Variants in PRDM16 observed in about 807,000 individuals in gnomAD.
PRDM16 encodes PR/SET domain 16.
PRDM16 carries 23 observed loss-of-function variants against 110.6 expected under a neutral mutation model. That is an observed-to-expected ratio of 0.21 (90% CI 0.15 to 0.29). PRDM16 has a LOEUF of 0.29. Ranked by LOEUF, PRDM16 falls within the 10% of genes least tolerant of loss-of-function variation. The pLI is 1.00. For missense variants in PRDM16, 1,615 were observed against 1,794.3 expected, an observed-to-expected ratio of 0.90 and a Z score of 1.81; for synonymous variants, 799 against 781.8, an observed-to-expected ratio of 1.02 and a Z score of -0.37.
chr1:3,227,929 G>A (rs1419081646), intron 2 of PRDM16, among the ~76,000 whole-genome samples: 4 of 152,244 alleles, frequency 2.6e-5, no homozygotes, highest in African/African-American at 9.6e-5. Context: ...ACCTACACCC[G>A]AGTGGGTCGA....
At chr1:3,320,554 G>A (rs953941702) in intron 3 of PRDM16, among the ~76,000 whole-genome samples, 2 of 152,170 alleles carry the variant, frequency 1.3e-5, no homozygotes, top group Non-Finnish European at 2.9e-5. Flanking sequence ...TCGTCTCAGG[G>A]CACAAAGTCT....
intron 1 of PRDM16, among the ~76,000 whole-genome samples, chr1:3,075,966 A>AG (rs1557427949): frequency 1.3e-5 from 2 of 152,302 alleles, no homozygotes; most frequent in East Asian, 3.9e-4. Flanking sequence ...GTCACGCACT[A>AG]GGCTTGACCA....
chr1:3,103,296 G>A (rs1642573995), intron 1 of PRDM16, among the ~76,000 whole-genome samples: 1 of 152,224 alleles, frequency 6.6e-6, no homozygotes, highest in South Asian at 2.1e-4. Context: ...TTCTGCCTGT[G>A]TCTTCACATG....
At chr1:3,110,824 T>C (rs1370168844) in intron 1 of PRDM16, among the ~76,000 whole-genome samples, 2 of 152,026 alleles carry the variant, frequency 1.3e-5, no homozygotes, top group Non-Finnish European at 2.9e-5. Flanking sequence ...GGAGGCCACG[T>C]GTGAGGGGCA....
In PRDM16 at chr1:3,111,217, G is replaced by A. The variant is rs569601787; in HGVS notation, c.37+41921G>A. Among the ~76,000 whole-genome samples the A allele has an allele frequency of 1.8e-4, 28 of 152,304 alleles. No individual in the cohort carries two copies. In the South Asian group the frequency reaches 5.8e-3, roughly 32 times the overall value. ...CCTGTGCCCACGTCACAGCCTGCCT[G>A]TGCCAAGGCCCCTGGGAGACGCGGA... On this transcript the variant is annotated intron_variant, in intron 1 of 16. Transcript: ENST00000270722.
In PRDM16 at chr1:3,414,638, C is replaced by T. The variant is rs766730035; in HGVS notation, c.2682C>T (p.Phe894=). ...ACCTGCGGCCGTCCCCGCTGCTCTTCCACCCCCAGGTACGTCCTCAGTGCA... is the reference window on the plus strand; with the variant it reads ...ACCTGCGGCCGTCCCCGCTGCTCTTTCACCCCCAGGTACGTCCTCAGTGCA... The part of the protein sequence containing the change: ...EKYLRPSPLL[F]HPQMSAIETM... Residue 894 remains phenylalanine, a synonymous_variant, in exon 10 of 17, where the codon TTC becomes TTT. Coordinates refer to ENST00000270722, the MANE Select transcript of PRDM16 (RefSeq NM_022114.4). The T allele has an allele frequency of 1.2e-6, 2 of 1,612,906 alleles. No homozygotes were observed. The highest frequency in any genetic ancestry group is 2.2e-5 in the South Asian group (2 of 90,996).
Position 3,089,729 on chromosome 1 carries a change from C to T in PRDM16, c.37+20433C>T, listed in dbSNP as rs574972995. ...ATTTCCCTGGTCATTACGTCTCCTC[C>T]GGGCCGAGCCTGATCCAGGACTTGC... On this transcript the variant is annotated intron_variant, in intron 1 of 16. Transcript: ENST00000270722. Among the ~76,000 whole-genome samples, 16 of 152,334 alleles carry T rather than the reference C, an allele frequency of 1.1e-4. No individual in the cohort carries two copies. The South Asian group carries it at 2.7e-3, about 26-fold the overall frequency.
intron 14 of PRDM16, among the ~76,000 whole-genome samples, chr1:3,428,564 G>A (rs1638683479): frequency 6.6e-6 from 1 of 152,192 alleles, no homozygotes; most frequent in Non-Finnish European, 1.5e-5. Context: ...CTGGTCCTGA[G>A]AGCCCCTGCG....
At chr1:3,136,164 G>A (rs1343711747) in intron 1 of PRDM16, among the ~76,000 whole-genome samples, 1 of 152,004 alleles carries the variant, frequency 6.6e-6, no homozygotes, top group South Asian at 2.1e-4. Context: ...CCAGCTTTGG[G>A]CCTTCGTTAC....
intron 3 of PRDM16, among the ~76,000 whole-genome samples, chr1:3,341,551 G>A (rs371313658): frequency 6.6e-6 from 1 of 152,214 alleles, no homozygotes; most frequent in East Asian, 1.9e-4. Context: ...CAGGATGTCA[G>A]AACACACACA....
intron 3 of PRDM16, among the ~76,000 whole-genome samples, chr1:3,337,501 A>G (rs1642184864): frequency 1.3e-5 from 2 of 152,314 alleles, no homozygotes; most frequent in Admixed American, 6.5e-5. Flanking sequence ...AGTAGGGGCC[A>G]TGCCAGGTCA....
intron 1 of PRDM16, among the ~76,000 whole-genome samples, chr1:3,164,428 G>A (rs572132968): frequency 3.3e-5 from 5 of 152,310 alleles, no homozygotes; most frequent in South Asian, 2.1e-4. Context: ...GGACCCAGGC[G>A]GGGGACCCTG....
At chr1:3,267,748 C>CTCTCCCTCAGTGAGCCGCT (rs1640328936) in intron 3 of PRDM16, among the ~76,000 whole-genome samples, 1 of 152,212 alleles carries the variant, frequency 6.6e-6, no homozygotes, top group Non-Finnish European at 1.5e-5. Context: ...GAGCGCCAGC[C>CTCTCCCTCAGTGAGCCGCT]TCTCCCTCAG....
chr1:3,246,359 G>C lies in PRDM16; in HGVS notation c.438+2222G>C, dbSNP rs188949083. On this transcript the variant is annotated intron_variant, in intron 3 of 16. Transcript: ENST00000270722. This position sits in a 1 kb window ranked among gnomAD's most constrained non-coding sequence, Gnocchi z 5.2. ...GAAAGCAGGTTGAGAACCTTGGGTC[G>C]GGCTGAGGAGTCTCAGGTTCCGCCA... Among the ~76,000 whole-genome samples, 33 of 152,298 alleles carry C rather than the reference G, an allele frequency of 2.2e-4. No homozygotes were observed. Among genetic ancestry groups the C allele is most frequent in the Middle Eastern group, 3.4e-3 (1 of 294 alleles).
chr1:3,238,692 G>A (rs561254980), intron 2 of PRDM16, among the ~76,000 whole-genome samples: 62 of 152,304 alleles, frequency 4.1e-4, no homozygotes, highest in Non-Finnish European at 6.8e-4. Context: ...GAGCCCACAC[G>A]GCCGGAGGGA....
intron 2 of PRDM16, among the ~76,000 whole-genome samples, chr1:3,193,534 A>G (rs1209973613): frequency 6.6e-6 from 1 of 152,138 alleles, no homozygotes; most frequent in African/African-American, 2.4e-5. Flanking sequence ...AGCTGTCCAC[A>G]GCCATGGACC....
chr1:3,301,919 G>A (rs561091409), intron 3 of PRDM16, among the ~76,000 whole-genome samples: 13 of 152,282 alleles, frequency 8.5e-5, no homozygotes, highest in South Asian at 2.1e-4. Context: ...TCCATCTGGC[G>A]CGTGTTGGTC....
At chr1:3,122,208 G>T (rs902600858) in intron 1 of PRDM16, among the ~76,000 whole-genome samples, 1 of 152,212 alleles carries the variant, frequency 6.6e-6, no homozygotes, top group Non-Finnish European at 1.5e-5. Context: ...GGCCTCCCGT[G>T]CAGTGCTGGG....
chr1:3,210,358 G>C (rs1638853338), intron 2 of PRDM16, among the ~76,000 whole-genome samples: 1 of 152,222 alleles, frequency 6.6e-6, no homozygotes, highest in Non-Finnish European at 1.5e-5. Flanking sequence ...GGGAAACCAA[G>C]GCCCTGGAAG....
Sources: gnomAD v4.1 joint callset for allele counts (sites outside exome capture counted in the v4.1 genomes callset) on GRCh38, gnomAD v4.1.1 for gene constraint, Gnocchi (gnomAD v3.1) non-coding constraint, MANE v1.5 for transcripts, NCBI Gene and HGNC (gene_info 2026-07-23, HGNC 2026-07-21) for gene names.